Variants in ANKRD30A observed in about 807,000 individuals in gnomAD.
ANKRD30A encodes the protein ankyrin repeat domain 30A, also known as ankyrin repeat domain-containing protein 30A.
Under a neutral mutation model 166.3 loss-of-function variants are expected in ANKRD30A, and 170 were observed. The observed-to-expected ratio is 1.02, with a 90% CI of 0.90 to 1.16. The LOEUF (loss-of-function observed/expected upper bound fraction) is 1.16, where lower values mean the gene tolerates loss of function less well. ANKRD30A is among the 50% of genes most tolerant of loss of function. The pLI, the probability that ANKRD30A is intolerant of heterozygous loss-of-function variation, is 0.00. For synonymous variants in ANKRD30A, 564 were observed against 508.9 expected (o/e 1.11, Z -1.46); for missense variants, 1,630 against 1,518.0 (o/e 1.07, Z -1.23).
At chr10:37,140,569 T>A (rs1279851083) in intron 6 of ANKRD30A, among the ~76,000 whole-genome samples, 5 of 152,202 alleles carry the variant, frequency 3.3e-5, no homozygotes, top group Non-Finnish European at 5.9e-5. Context: ...TAAGATATAT[T>A]TACTTCATTA....
At chr10:37,148,710 C>T (rs547543314) in intron 9 of ANKRD30A, among the ~76,000 whole-genome samples, 1 of 151,982 alleles carries the variant, frequency 6.6e-6, no homozygotes, top group African/African-American at 2.4e-5. Flanking sequence ...ATGTTACAAT[C>T]AGGCATGACA....
intron 17 of ANKRD30A, among the ~76,000 whole-genome samples, chr10:37,164,712 C>T (rs564200863): frequency 1.1e-3 from 163 of 151,944 alleles, no homozygotes; most frequent in African/African-American, 2.9e-3. Flanking sequence ...AGTCAATCAA[C>T]GTAAGTAATA....
At position 37,127,630 on chromosome 10, in the gene ANKRD30A, G is replaced by C. The variant is rs376832298; in HGVS notation, c.221+1622G>C. On this transcript the variant is annotated intron_variant, in intron 1 of 35. Transcript: ENST00000361713. ...ATTTAAATTAGAGATCTAAATTGCA[G>C]ATCTAAAAATTGGGCAAAGTCCTTT... Among the ~76,000 whole-genome samples, 23 of 152,212 alleles carry C rather than the reference G, an allele frequency of 1.5e-4. 1 individual carries two copies. The highest frequency in any genetic ancestry group is 4.8e-4 in the African/African-American group (20 of 41,548).
intron 6 of ANKRD30A, among the ~76,000 whole-genome samples, chr10:37,139,523 C>T (rs1341614311): frequency 5.9e-5 from 9 of 152,240 alleles, no homozygotes; most frequent in Non-Finnish European, 1.0e-4. Context: ...AACTACTCTA[C>T]CTTCCTTTGT....
chr10:37,199,746 A>T lies in ANKRD30A; in HGVS notation c.2736A>T (p.Glu912Asp). The change falls in exon 30 of 36, where the codon GAA (glutamate) becomes GAT (aspartate). Residue 912 changes from glutamate to aspartate, a missense_variant. Glu to Asp is a conservative substitution (Grantham distance 45). Coordinates refer to ENST00000361713, the MANE Select transcript of ANKRD30A (RefSeq NM_052997.3). Reference sequence around the variant, plus strand: ...TTATAGATCAGATGTTCCCTTCAGAATCAAAACAAAAGAAGGTTGAAGAAA... The same window carrying T: ...TTATAGATCAGATGTTCCCTTCAGATTCAAAACAAAAGAAGGTTGAAGAAA... The part of the protein sequence containing the change: ...TLRADQMFPS[E>D]SKQKKVEENS... The T allele has an allele frequency of 6.3e-7, 1 of 1,580,600 alleles. No individual in the cohort carries two copies. Among genetic ancestry groups the T allele is most frequent in the Non-Finnish European group, 8.6e-7 (1 of 1,156,490 alleles).
intron 13 of ANKRD30A, among the ~76,000 whole-genome samples, chr10:37,154,413 G>A (rs766383918): frequency 1.3e-5 from 2 of 152,140 alleles, no homozygotes; most frequent in Non-Finnish European, 2.9e-5. Flanking sequence ...CCTTGCTCTG[G>A]GTAGCAAGAG....
the ANKRD30A span, among the ~76,000 whole-genome samples, chr10:37,263,214 G>A: frequency 1.3e-5 from 2 of 151,082 alleles, no homozygotes; most frequent in East Asian, 1.9e-4. Context: ...AAAAAAATGA[G>A]TATGAGGTGG....
the ANKRD30A span, among the ~76,000 whole-genome samples, chr10:37,239,661 C>A: frequency 2.6e-5 from 4 of 152,004 alleles, no homozygotes; most frequent in African/African-American, 9.7e-5. Flanking sequence ...AATTCTCTAA[C>A]CTTTGTAGTA....
At chr10:37,251,013 G>A in the ANKRD30A span, among the ~76,000 whole-genome samples, 1 of 152,164 alleles carries the variant, frequency 6.6e-6, no homozygotes, top group Admixed American at 6.5e-5. Context: ...GGAGATGGGG[G>A]CTAGAAAAGG....
chr10:37,166,758 G>C, intron 19 of ANKRD30A, 63 bp downstream of exon 19: 1 of 1,603,226 alleles, frequency 6.2e-7, no homozygotes, highest in Non-Finnish European at 8.5e-7. Context: ...GATGAGGAAG[G>C]ATATCCTCTA....
intron 13 of ANKRD30A, among the ~76,000 whole-genome samples, chr10:37,154,297 A>G (rs1838192823): frequency 6.6e-6 from 1 of 152,214 alleles, no homozygotes; most frequent in Non-Finnish European, 1.5e-5. Flanking sequence ...AAACTTTAGA[A>G]AATCAGCTGA....
At chr10:37,146,416 GAATAA>G (rs1837517264) in intron 8 of ANKRD30A, among the ~76,000 whole-genome samples, 1 of 152,134 alleles carries the variant, frequency 6.6e-6, no homozygotes, top group African/African-American at 2.4e-5. Flanking sequence ...CTATTATCAT[GAATAA>G]TTTCAGTGTT....
rs562086247 is a variant in ANKRD30A, at chr10:37,194,119, G to C, written c.2614+861G>C. Among the ~76,000 whole-genome samples the C allele has an allele frequency of 2.1e-3, 324 of 151,820 alleles. 4 individuals are homozygous for C. Among genetic ancestry groups the C allele is most frequent in the Non-Finnish European group, 8.4e-4 (57 of 67,934 alleles). Reference sequence around the variant, plus strand: ...GCTGAGGCAGGAGAATGGCTTGAACGTAGGAGGCAGAAGTTGCATGAGCCG... The same window carrying C: ...GCTGAGGCAGGAGAATGGCTTGAACCTAGGAGGCAGAAGTTGCATGAGCCG... On this transcript the variant is annotated intron_variant, in intron 27 of 35. Transcript: ENST00000361713.
intron 24 of ANKRD30A, among the ~76,000 whole-genome samples, chr10:37,179,593 A>G (rs1294926526): frequency 1.3e-5 from 2 of 149,484 alleles, no homozygotes; most frequent in African/African-American, 2.4e-5. Flanking sequence ...TGATCAATTC[A>G]TAACACTTTT....
the ANKRD30A span, chr10:37,241,913 TG>T: frequency 6.6e-6 from 1 of 152,284 alleles, no homozygotes; most frequent in Non-Finnish European, 1.5e-5. Context: ...GAGAGTAAAT[TG>T]CTGACGCTCT....
intron 24 of ANKRD30A, among the ~76,000 whole-genome samples, chr10:37,184,046 C>G (rs1484905349): frequency 3.3e-5 from 5 of 151,754 alleles, no homozygotes; most frequent in African/African-American, 9.6e-5. Flanking sequence ...TCAGGCGATG[C>G]TGCTGCTGGT....
At chr10:37,172,533 T>A (rs1411172358) in intron 21 of ANKRD30A, among the ~76,000 whole-genome samples, 70 of 146,040 alleles carry the variant, frequency 4.8e-4, no homozygotes, top group Non-Finnish European at 8.8e-4. Flanking sequence ...TAGAGGTTTT[T>A]TTTTAATTTC....
At chr10:37,254,466 G>A in the ANKRD30A span, among the ~76,000 whole-genome samples, 4 of 151,972 alleles carry the variant, frequency 2.6e-5, no homozygotes, top group East Asian at 7.7e-4. Flanking sequence ...CTTGATGGCT[G>A]GTGATCTTAG....
At chr10:37,245,793 G>A in the ANKRD30A span, among the ~76,000 whole-genome samples, 2 of 152,176 alleles carry the variant, frequency 1.3e-5, no homozygotes, top group East Asian at 3.9e-4. Flanking sequence ...CATGAAGTTT[G>A]CTGGCAAAAT....
Sources: allele counts gnomAD v4.1 joint callset (sites outside exome capture counted in the v4.1 genomes callset), GRCh38; gene constraint gnomAD v4.1.1; transcripts MANE v1.5; gene names NCBI Gene and HGNC (gene_info 2026-07-23, HGNC 2026-07-21).